Variants in HTR2C observed in about 807,000 individuals in gnomAD.
HTR2C encodes the protein 5-hydroxytryptamine receptor 2C.
A neutral mutation model predicts 21.0 loss-of-function variants in HTR2C; 5 were observed. That is an observed-to-expected ratio of 0.24 (90% CI 0.12 to 0.50). The LOEUF (loss-of-function observed/expected upper bound fraction) is 0.50, where lower values mean the gene tolerates loss of function less well. HTR2C is among the 20% of genes least tolerant of loss of function. The pLI is 0.98. For missense variants in HTR2C, 271 were observed against 371.2 expected, an observed-to-expected ratio of 0.73 and a Z score of 2.22; for synonymous variants, 150 against 145.3, an observed-to-expected ratio of 1.03 and a Z score of -0.23.
At chrX:114,891,279 A>T (rs1331986734) in intron 5 of HTR2C, among the ~76,000 whole-genome samples, 1 of 111,234 alleles carries the variant, frequency 9.0e-6, no homozygotes, top group Non-Finnish European at 1.9e-5. Context: ...GTGACCAAGC[A>T]TGGTCTATTT....
chrX:114,801,706 C>T (rs2097436651), intron 4 of HTR2C, among the ~76,000 whole-genome samples: 2 of 110,512 alleles, frequency 1.8e-5, no homozygotes, highest in Admixed American at 9.7e-5. Flanking sequence ...TAGATGTGTT[C>T]GTTTATGGGG....
intron 2 of HTR2C, among the ~76,000 whole-genome samples, chrX:114,671,552 A>G (rs1478801736): frequency 1.8e-5 from 2 of 112,277 alleles, no homozygotes; most frequent in East Asian, 5.5e-4. Context: ...GTTTAATTCA[A>G]TTATTTTTAC....
chrX:114,706,960 A>G (rs894006274), intron 2 of HTR2C, among the ~76,000 whole-genome samples: 7 of 111,142 alleles, frequency 6.3e-5, no homozygotes, highest in Admixed American at 4.8e-4. Context: ...AAATTACTTA[A>G]GAAAATTTAA....
intron 4 of HTR2C, chrX:114,776,663 G>A: frequency 2.0e-6 from 1 of 501,256 alleles, no homozygotes; most frequent in Non-Finnish European, 3.7e-6. Context: ...ATAGCTTGGA[G>A]TGGTTCAGTT....
chrX:114,696,280 C>T (rs1313147853), intron 2 of HTR2C, among the ~76,000 whole-genome samples: 2 of 111,656 alleles, frequency 1.8e-5, no homozygotes, highest in African/African-American at 6.5e-5. Context: ...CACCCTTCAT[C>T]TTTGGCAATA....
At chrX:114,711,819 G>A (rs1402827526) in intron 2 of HTR2C, among the ~76,000 whole-genome samples, 1 of 111,631 alleles carries the variant, frequency 9.0e-6, no homozygotes, top group Admixed American at 9.6e-5. Flanking sequence ...CACTGTGCCT[G>A]GAACAAAGTA....
intron 4 of HTR2C, among the ~76,000 whole-genome samples, chrX:114,829,885 G>A (rs1242403849): frequency 1.8e-5 from 2 of 111,155 alleles, no homozygotes; most frequent in Non-Finnish European, 3.8e-5. Context: ...TAGCTTTCCA[G>A]TGAATCTTGA....
At chrX:114,599,998 T>A (rs1556393891) in intron 1 of HTR2C, among the ~76,000 whole-genome samples, 1 of 111,205 alleles carries the variant, frequency 9.0e-6, no homozygotes, top group African/African-American at 3.3e-5. Flanking sequence ...TAGGAGGAAG[T>A]CCAAGAAAGA....
At chrX:114,654,480 A>G (rs1930707805) in intron 2 of HTR2C, among the ~76,000 whole-genome samples, 1 of 109,786 alleles carries the variant, frequency 9.1e-6, no homozygotes, top group Admixed American at 9.8e-5. Context: ...AGCTTACGTA[A>G]CCATCACCAG....
intron 4 of HTR2C, among the ~76,000 whole-genome samples, chrX:114,805,940 C>CAT (rs199682808): frequency 2.4e-4 from 2 of 8,182 alleles, no homozygotes; most frequent in Admixed American, 6.8e-3. Flanking sequence ...ATATATATAC[C>CAT]ATATATATAT....
At chrX:114,881,430 A>T (rs1299142616) in intron 5 of HTR2C, among the ~76,000 whole-genome samples, 3 of 109,483 alleles carry the variant, frequency 2.7e-5, no homozygotes, top group Non-Finnish European at 5.8e-5. Flanking sequence ...ATGAAGATTT[A>T]GTCCTATGTT....
At chrX:114,838,019 G>T (rs2070802568) in intron 4 of HTR2C, among the ~76,000 whole-genome samples, 1 of 111,019 alleles carries the variant, frequency 9.0e-6, no homozygotes, top group Non-Finnish European at 1.9e-5. Context: ...TCTATTAAAA[G>T]ACCAAAAATT....
chrX:114,802,706 CTT>C (rs2070360392), intron 4 of HTR2C, among the ~76,000 whole-genome samples: 1 of 97,091 alleles, frequency 1.0e-5, no homozygotes, highest in African/African-American at 3.7e-5. Flanking sequence ...TTCTTTCTTT[CTT>C]TCTTTCTTTC....
At chrX:114,806,497 TATATACACCATATATACACCAC>T (rs2070442995) in intron 4 of HTR2C, among the ~76,000 whole-genome samples, 1 of 90,297 alleles carries the variant, frequency 1.1e-5, no homozygotes, top group Non-Finnish European at 2.1e-5. Flanking sequence ...ATACACCATA[TATATACACCATATATACACCAC>T]ATATATACAC....
At chrX:114,609,381 T>G (rs1928621464) in intron 1 of HTR2C, among the ~76,000 whole-genome samples, 1 of 112,114 alleles carries the variant, frequency 8.9e-6, no homozygotes, top group East Asian at 2.8e-4. Context: ...GAAATATATA[T>G]GCTCTTTACA....
At chrX:114,740,094 C>A (rs2069630348) in intron 4 of HTR2C, among the ~76,000 whole-genome samples, 1 of 108,909 alleles carries the variant, frequency 9.2e-6, no homozygotes, top group Admixed American at 1.0e-4. Context: ...GGGTGACAGC[C>A]AAACCCTCTC....
intron 2 of HTR2C, among the ~76,000 whole-genome samples, chrX:114,712,574 A>G (rs782165706): frequency 8.9e-6 from 1 of 112,087 alleles, no homozygotes; most frequent in East Asian, 2.8e-4. Flanking sequence ...TCTCTGAATA[A>G]TCATATTGTT....
intron 2 of HTR2C, chrX:114,715,155 A>G (rs1556419610): frequency 3.8e-6 from 1 of 266,186 alleles, no homozygotes; most frequent in Non-Finnish European, 7.7e-6. Flanking sequence ...TGACCCTTCA[A>G]CTTTGAAGTA....
At chrX:114,793,292 A>G (rs1556444177) in intron 4 of HTR2C, among the ~76,000 whole-genome samples, 1 of 111,426 alleles carries the variant, frequency 9.0e-6, no homozygotes, top group Non-Finnish European at 1.9e-5. Flanking sequence ...CCAGTCTAGA[A>G]GACAGAGTGA....
Sources: allele counts gnomAD v4.1 joint callset (sites outside exome capture counted in the v4.1 genomes callset), GRCh38; gene constraint gnomAD v4.1.1; transcripts MANE v1.5; gene names NCBI Gene and HGNC (gene_info 2026-07-23, HGNC 2026-07-21).